SNRPN: variants seen among roughly 807,000 people sequenced by gnomAD.
SNRPN encodes small nuclear ribonucleoprotein-associated protein N.
Under a neutral mutation model 25.2 loss-of-function variants are expected in SNRPN, and 7 were observed. The observed-to-expected ratio is 0.28, with a 90% confidence interval of 0.16 to 0.52. The LOEUF (loss-of-function observed/expected upper bound fraction) is 0.52, where lower values mean the gene tolerates loss of function less well. Ranked by LOEUF, SNRPN falls within the 20% of genes least tolerant of loss-of-function variation. The pLI is 0.96. For synonymous variants in SNRPN, 124 were observed against 110.6 expected, an observed-to-expected ratio of 1.12 and a Z score of -0.76; for missense variants, 196 against 322.5, an observed-to-expected ratio of 0.61 and a Z score of 3.00.
chr15:24,968,178 C>G, intron 3 of SNRPN, 96 bp downstream of exon 3: 1 of 772,546 alleles, frequency 1.3e-6, no homozygotes, highest in Non-Finnish European at 2.2e-6. Context: ...TAATTTTTTT[C>G]CTTAGAGCTT....
intron 2 of SNRPN, among the ~76,000 whole-genome samples, chr15:24,917,358 T>C (rs1414861967): frequency 6.6e-6 from 1 of 152,222 alleles, no homozygotes; most frequent in Non-Finnish European, 1.5e-5. Flanking sequence ...GTATGTTTTA[T>C]AGTAGATGTT....
intron 1 of SNRPN, among the ~76,000 whole-genome samples, chr15:24,886,196 C>A (rs2057191558): frequency 6.6e-6 from 1 of 152,202 alleles, no homozygotes; most frequent in Non-Finnish European, 1.5e-5. Flanking sequence ...TTATCAGGTT[C>A]CTCATCCTCC....
At position 24,871,683 on chromosome 15, in the gene SNRPN, T is replaced by C. The variant is rs184630480; in HGVS notation, c.-578-14833T>C. On this transcript the variant is annotated intron_variant, in intron 1 of 11. Coordinates refer to the SNRPN transcript ENST00000400097. ...TATATTCTGAACAGTAGACCCTCAT[T>C]ACCTATATGACTAGCAAATATTTTG... Among the ~76,000 whole-genome samples the C allele has an allele frequency of 8.8e-4, 134 of 152,036 alleles. 1 individual carries two copies. The East Asian group carries it at 0.022, about 25-fold the overall frequency.
intron 3 of SNRPN, among the ~76,000 whole-genome samples, chr15:24,948,700 T>C (rs991860404): frequency 6.6e-6 from 1 of 152,112 alleles, no homozygotes; most frequent in Admixed American, 6.6e-5. Flanking sequence ...CCTTGACAGT[T>C]TTGGGGATTA....
rs1452207710 is a variant in SNRPN, at chr15:24,975,589, G to A, written c.155+80G>A. ...GCCAGAGCTGGAGTAAGGGATTTCC[G>A]AGGGTAACTGAAGTAGTTAGGGAAA... On this transcript the variant is annotated intron_variant, in intron 5 of 9. Transcript: ENST00000390687. The A allele has an allele frequency of 8.4e-6, 10 of 1,187,092 alleles. No homozygotes were observed. In the South Asian group the frequency reaches 9.3e-5, roughly 11 times the overall value. The allele number at this position is 1,187,092 out of a possible 1,614,324, so 73.5% of individuals were successfully genotyped here.
intron 5 of SNRPN, 24 bp from the exon 6 acceptor site, chr15:24,976,281 C>G: frequency 6.3e-7 from 1 of 1,586,868 alleles, no homozygotes; most frequent in Non-Finnish European, 8.7e-7. Context: ...ATTTATCTCA[C>G]TAAAATTTAA....
intron 2 of SNRPN, among the ~76,000 whole-genome samples, chr15:24,914,956 A>G (rs1040833744): frequency 2.0e-5 from 3 of 151,974 alleles, no homozygotes; most frequent in Non-Finnish European, 2.9e-5. Flanking sequence ...GAAAATTACT[A>G]AAAGGAAACA....
chr15:24,940,475 T>C (rs1370926827), intron 3 of SNRPN, among the ~76,000 whole-genome samples: 2 of 152,218 alleles, frequency 1.3e-5, no homozygotes, highest in African/African-American at 4.8e-5. Flanking sequence ...CTTTCCCCAT[T>C]GAAGGTCTTG....
rs1194772812 is a variant in SNRPN, at chr15:24,918,776, CAT to C, written c.-504-1233_-504-1232del. ...TATATATGTGTGCATATATATATAA[CAT>C]AATATATATGTGTGCATATATATAT... On this transcript the variant is annotated intron_variant, in intron 2 of 11. Transcript: ENST00000400097. Among the ~76,000 whole-genome samples the C allele has an allele frequency of 2.5e-3, 62 of 24,620 alleles. 3 individuals carry two copies. The highest frequency in any genetic ancestry group is 7.1e-3 in the East Asian group (7 of 990). 16.2% of individuals were successfully genotyped at this position (24,620 alleles called of 152,430 possible).
At chr15:24,950,259 C>G (rs1160090858), upstream of SNRPN, among the ~76,000 whole-genome samples, 1 of 152,014 alleles carries the variant, frequency 6.6e-6, no homozygotes, top group African/African-American at 2.4e-5. Context: ...TCACTGCAAC[C>G]TCCGCCTCCT....
chr15:24,895,003 T>G (rs2057982892), intron 2 of SNRPN, among the ~76,000 whole-genome samples: 1 of 152,160 alleles, frequency 6.6e-6, no homozygotes, highest in Admixed American at 6.5e-5. Context: ...CAGTTAAACC[T>G]GAGTGTTTTT....
At chr15:24,916,829 G>T (rs1303751502) in intron 2 of SNRPN, among the ~76,000 whole-genome samples, 2 of 152,176 alleles carry the variant, frequency 1.3e-5, no homozygotes, top group Admixed American at 1.3e-4. Context: ...AACCTTCGTG[G>T]TGAGTGTTAC....
chr15:24,922,327 C>T (rs773718486), intron 3 of SNRPN, among the ~76,000 whole-genome samples: 49 of 152,214 alleles, frequency 3.2e-4, no homozygotes, highest in Non-Finnish European at 4.7e-4. Flanking sequence ...AGATCCTCTA[C>T]ACATTTCACT....
intron 3 of SNRPN, among the ~76,000 whole-genome samples, chr15:24,925,509 C>G (rs1389590818): frequency 6.6e-6 from 1 of 152,096 alleles, no homozygotes; most frequent in African/African-American, 2.4e-5. Context: ...GCTCCACACC[C>G]CAGTTCCTCT....
chr15:24,895,706 G>A (rs1326754027), intron 2 of SNRPN, among the ~76,000 whole-genome samples: 2 of 152,118 alleles, frequency 1.3e-5, no homozygotes, highest in Non-Finnish European at 2.9e-5. Flanking sequence ...TACTCTCTTT[G>A]TGTTACTCTG....
At position 24,918,520 on chromosome 15, in the gene SNRPN, A is replaced by ATATATAACATAATATATATG. The variant is rs1566909105; in HGVS notation, c.-504-1490_-504-1489insATATAACATAATATATATGT. ...TGTGTATATATAACATAATATATAT[A>ATATATAACATAATATATATG]TGTGTATATATAACATAATATATAT... On this transcript the variant is annotated intron_variant, in intron 2 of 11. Coordinates refer to the SNRPN transcript ENST00000400097. Among the ~76,000 whole-genome samples the ATATATAACATAATATATATG allele has an allele frequency of 9.5e-4, 93 of 97,870 alleles. 3 individuals are homozygous for ATATATAACATAATATATATG. The highest frequency in any genetic ancestry group is 2.0e-3 in the East Asian group (6 of 3,068). 64.2% of individuals were successfully genotyped at this position (97,870 alleles called of 152,430 possible). A position where few individuals can be genotyped will look rare whatever the true frequency, so the allele number is the denominator to read the frequency against.
At chr15:24,835,531 G>T (rs2051088108) in intron 2 of SNRPN, among the ~76,000 whole-genome samples, 1 of 152,022 alleles carries the variant, frequency 6.6e-6, no homozygotes, top group Non-Finnish European at 1.5e-5. Flanking sequence ...TCCATAGGAG[G>T]AGCATCCTGA....
At chr15:24,837,974 C>T (rs573799552) in intron 2 of SNRPN, among the ~76,000 whole-genome samples, 10 of 151,908 alleles carry the variant, frequency 6.6e-5, no homozygotes, top group East Asian at 5.8e-4. Flanking sequence ...CCGCCTGCCT[C>T]GGCCTCCCAA....
chr15:24,889,493 G>T (rs1390469950), intron 2 of SNRPN, among the ~76,000 whole-genome samples: 1 of 151,228 alleles, frequency 6.6e-6, no homozygotes, highest in South Asian at 2.1e-4. Context: ...TTTTAGTAGA[G>T]ACAGGGTTTC....
Sources: allele counts gnomAD v4.1 joint callset (sites outside exome capture counted in the v4.1 genomes callset), GRCh38; gene constraint gnomAD v4.1.1; transcripts MANE v1.5; gene names NCBI Gene and HGNC (gene_info 2026-07-23, HGNC 2026-07-21).